YKT6: variants seen among roughly 807,000 people sequenced by gnomAD.
YKT6 encodes YKT6 vesicular SNARE protein.
Under a neutral mutation model 29.3 loss-of-function variants are expected in YKT6, and 12 were observed. The ratio of observed to expected loss-of-function variants is 0.41; its 90% CI spans 0.26 to 0.66. YKT6 has a LOEUF of 0.66. Ranked by LOEUF, YKT6 falls within the 30% of genes least tolerant of loss-of-function variation. The pLI, the probability that YKT6 is intolerant of heterozygous loss-of-function variation, is 0.32. For missense variants in YKT6, 188 were observed against 243.8 expected, an observed-to-expected ratio of 0.77 and a Z score of 1.52; for synonymous variants, 86 against 94.3, an observed-to-expected ratio of 0.91 and a Z score of 0.51.
Position 44,204,279 on chromosome 7 carries a change from A to G in YKT6, c.105-289A>G, listed in dbSNP as rs577535605. ...TTGTTTTTCCATTGCATTCCAAATTATGCATTCACCAAAATGTAAAATTGA... is the reference window on the plus strand; with the variant it reads ...TTGTTTTTCCATTGCATTCCAAATTGTGCATTCACCAAAATGTAAAATTGA... On this transcript the variant is annotated intron_variant, in intron 1 of 6. Transcript: ENST00000223369. Among the ~76,000 whole-genome samples, 9 of 152,314 alleles carry G rather than the reference A, an allele frequency of 5.9e-5. No homozygotes were observed. In the East Asian group the frequency reaches 1.2e-3, roughly 20 times the overall value.
chr7:44,207,298 C>T (rs1583647452), intron 3 of YKT6, 90 bp from the exon 4 acceptor site: 1 of 1,083,572 alleles, frequency 9.2e-7, no homozygotes. Context: ...GAGCCTCATT[C>T]AGGGTGAGGT....
chr7:44,208,043 T>G, intron 4 of YKT6, 90 bp from the exon 5 acceptor site: 1 of 1,393,946 alleles, frequency 7.2e-7, no homozygotes. Flanking sequence ...GTTTTTAACC[T>G]GTGAAAGTTT....
Position 44,207,419 on chromosome 7 carries a change from G to C in YKT6, c.320G>C (p.Arg107Thr). 1 of 1,614,098 alleles carries C rather than the reference G, an allele frequency of 6.2e-7. No individual in the cohort carries two copies. Among genetic ancestry groups the C allele is most frequent in the South Asian group, 1.1e-5 (1 of 91,080 alleles). ...VLDEFSKQVD[R>T]IDWPVGSPAT... is the part of the protein sequence containing the mutation. Reference sequence around the variant, plus strand: ...GATGAATTCTCCAAGCAAGTCGACAGGATAGACTGGCCAGTAGGATCCCCT... The same window carrying C: ...GATGAATTCTCCAAGCAAGTCGACACGATAGACTGGCCAGTAGGATCCCCT... Residue 107 changes from arginine (R) to threonine (T), a missense_variant, in exon 4 of 7, where the codon AGG (arginine) becomes ACG (threonine). By Grantham distance (71) the Arg-to-Thr change is moderately conservative (BLOSUM62 -1). Transcript: ENST00000223369.
intron 5 of YKT6, among the ~76,000 whole-genome samples, chr7:44,209,553 A>G (rs1186069918): frequency 6.6e-6 from 1 of 152,222 alleles, no homozygotes; most frequent in Non-Finnish European, 1.5e-5. Context: ...CTATTCACCC[A>G]GCCTCATCTA....
chr7:44,203,255 G>A (rs551458500), intron 1 of YKT6, among the ~76,000 whole-genome samples: 2 of 152,096 alleles, frequency 1.3e-5, no homozygotes, highest in Admixed American at 6.5e-5. Flanking sequence ...CACCACACCC[G>A]GCTAATTTTT....
intron 6 of YKT6, 25 bp from the exon 7 acceptor site, chr7:44,212,222 C>G: frequency 6.2e-7 from 1 of 1,614,046 alleles, no homozygotes. Flanking sequence ...TCCTCCTTCT[C>G]AGCTCCTCTT....
intron 4 of YKT6, 130 bp from the exon 5 acceptor site, chr7:44,208,003 C>A: frequency 1.1e-6 from 1 of 898,584 alleles, no homozygotes; most frequent in Non-Finnish European, 1.7e-6. Context: ...GGATTACAGG[C>A]GTGAGCCACT....
intron 5 of YKT6, among the ~76,000 whole-genome samples, chr7:44,210,208 C>A (rs141294280): frequency 1.3e-5 from 2 of 152,134 alleles, no homozygotes; most frequent in Admixed American, 1.3e-4. Context: ...CATTTCCCAC[C>A]GCCTTTTGTT....
intron 5 of YKT6, among the ~76,000 whole-genome samples, chr7:44,209,570 G>A (rs949295769): frequency 6.6e-6 from 1 of 152,234 alleles, no homozygotes; most frequent in Non-Finnish European, 1.5e-5. Flanking sequence ...TCTAGCTGCA[G>A]TTGTAAAATC....
rs1383194247 is a variant in YKT6, at chr7:44,213,251, GA to G, written c.*971del. The G allele has an allele frequency of 6.6e-6, 1 of 152,258 alleles. No individual in the cohort carries two copies. The highest frequency in any genetic ancestry group is 1.5e-5 in the Non-Finnish European group (1 of 68,058). 9.4% of individuals were successfully genotyped at this position (152,258 alleles called of 1,614,324 possible). A position where few individuals can be genotyped will look rare whatever the true frequency, so the allele number is the denominator to read the frequency against. On this transcript the variant is annotated 3_prime_UTR_variant, in exon 7 of 7. Coordinates refer to ENST00000223369, the MANE Select transcript of YKT6 (RefSeq NM_006555.4). The stretch of plus-strand genomic sequence containing the variant: ...GACTCTGTGGCTCTAAGACTGCCTT[GA>G]ACCGCCTGAGGCCTATGCATCTGAA...
intron 2 of YKT6, among the ~76,000 whole-genome samples, chr7:44,205,833 C>T (rs1227437799): frequency 2.0e-5 from 3 of 152,172 alleles, no homozygotes; most frequent in African/African-American, 7.2e-5. Context: ...TAATCTTTTT[C>T]TAGACTAACC....
chr7:44,210,880 C>T (rs1230361707), intron 5 of YKT6, 143 bp from the exon 6 acceptor site: 2 of 752,906 alleles, frequency 2.7e-6, no homozygotes, highest in Non-Finnish European at 2.3e-6. Flanking sequence ...TATTCTTGGA[C>T]CGAGTCTCGA....
chr7:44,204,768 C>G (rs2096339177), intron 2 of YKT6, 118 bp downstream of exon 2: 1 of 844,788 alleles, frequency 1.2e-6, no homozygotes, highest in Admixed American at 2.6e-5. Flanking sequence ...CTTGTTCTCT[C>G]TTTCCCACCT....
chr7:44,201,091 C>G lies in YKT6; in HGVS notation c.-45C>G, dbSNP rs935203907. 2 of 1,512,172 alleles carry G rather than the reference C, an allele frequency of 1.3e-6. No individual in the cohort carries two copies. Among genetic ancestry groups the G allele is most frequent in the African/African-American group, 2.9e-5 (2 of 69,278 alleles). 93.7% of individuals were successfully genotyped at this position (1,512,172 alleles called of 1,614,324 possible). On this transcript the variant is annotated 5_prime_UTR_variant, in exon 1 of 7. Transcript: ENST00000223369. ...CGGCGGCCGCGCTGCTCCCTGAGAA[C>G]GGGTCCCGCAGCTGGGCAGGCGGGC...
At chr7:44,202,983 C>G (rs527578449) in intron 1 of YKT6, among the ~76,000 whole-genome samples, 4 of 152,146 alleles carry the variant, frequency 2.6e-5, no homozygotes, top group Non-Finnish European at 5.9e-5. Flanking sequence ...AGGACTTATA[C>G]CTCACCTGCT....
rs145512006 is a variant in YKT6 at position 44,204,912 on chromosome 7, C to T, written c.187+262C>T. On this transcript the variant is annotated intron_variant, in intron 2 of 6. Transcript: ENST00000223369. ...TTGGAGCAGTAAGCAGCCTTCATAT[C>T]GTATTCTTCCCTATCCTCTTCAGAG... is the stretch of plus-strand genomic sequence containing the variant. Among the ~76,000 whole-genome samples, 85 of 152,298 alleles carry T rather than the reference C, an allele frequency of 5.6e-4. No individual in the cohort carries two copies. In the East Asian group the frequency reaches 0.015, roughly 28 times the overall value.
intron 6 of YKT6, chr7:44,211,606 T>TCTA: frequency 4.0e-6 from 4 of 1,011,140 alleles, no homozygotes; most frequent in Admixed American, 5.3e-5. Context: ...TTCTCTCAGG[T>TCTA]CAGTGCTCAT....
intron 1 of YKT6, among the ~76,000 whole-genome samples, chr7:44,201,929 C>T (rs934974331): frequency 6.6e-6 from 1 of 152,188 alleles, no homozygotes; most frequent in African/African-American, 2.4e-5. Context: ...GGATTCCACA[C>T]GGAAGATGCA....
intron 1 of YKT6, 56 bp from the exon 2 acceptor site, chr7:44,204,512 T>G: frequency 1.9e-6 from 3 of 1,573,684 alleles, no homozygotes; most frequent in Non-Finnish European, 2.6e-6. Context: ...CACTTTCCAC[T>G]GTGTTGGGGA....
Sources: gnomAD v4.1 joint callset for allele counts (sites outside exome capture counted in the v4.1 genomes callset) on GRCh38, gnomAD v4.1.1 for gene constraint, MANE v1.5 for transcripts, NCBI Gene and HGNC (gene_info 2026-07-23, HGNC 2026-07-21) for gene names.